RBM45: variants seen among roughly 807,000 people sequenced by gnomAD.
The protein encoded by RBM45 is RNA-binding protein 45.
A neutral mutation model predicts 58.5 loss-of-function variants in RBM45; 39 were observed. The observed-to-expected ratio is 0.67, with a 90% confidence interval of 0.52 to 0.87. The LOEUF (loss-of-function observed/expected upper bound fraction) is 0.87. Among genes scored for constraint, RBM45 ranks in the 40% least tolerant of loss-of-function variants. The pLI is 0.00. For synonymous variants in RBM45, 193 were observed against 203.0 expected, an observed-to-expected ratio of 0.95 and a Z score of 0.42; for missense variants, 481 against 581.6, an observed-to-expected ratio of 0.83 and a Z score of 1.78.
intron 4 of RBM45, among the ~76,000 whole-genome samples, chr2:178,120,743 C>T (rs575512616): frequency 3.4e-4 from 51 of 152,170 alleles, no homozygotes; most frequent in African/African-American, 1.2e-3. Context: ...AGATCCTCTC[C>T]GTATGAGTCC....
chr2:178,116,289 G>A lies in RBM45; in HGVS notation c.328G>A (p.Gly110Arg). 1 of 1,611,732 alleles carries A rather than the reference G, an allele frequency of 6.2e-7. No homozygotes were observed. Among genetic ancestry groups the A allele is most frequent in the Non-Finnish European group, 8.5e-7 (1 of 1,179,082 alleles). ...TTTCATTGCTCAGTCCCGATCATCT[G>A]GAAGTCACCGAGATGTTGAAGATGA... is the stretch of plus-strand genomic sequence containing the variant. The part of the protein sequence containing the change: ...KVFIAQSRSS[G>R]SHRDVEDEEL... The change falls in exon 2 of 10, where the codon GGA (glycine) becomes AGA (arginine). Residue 110 changes from glycine (G) to arginine (R), a missense_variant. Transcript: ENST00000286070.
intron 9 of RBM45, among the ~76,000 whole-genome samples, chr2:178,126,656 A>G (rs1297420771): frequency 6.6e-6 from 1 of 152,168 alleles, no homozygotes; most frequent in African/African-American, 2.4e-5. Flanking sequence ...ATAATATATC[A>G]TTTTTGGACC....
At chr2:178,131,616 ATTTC>A (rs1286949118), downstream of RBM45, among the ~76,000 whole-genome samples, 2 of 152,220 alleles carry the variant, frequency 1.3e-5, no homozygotes, top group Non-Finnish European at 2.9e-5. Context: ...ATCTAGATGT[ATTTC>A]TTTGAATCCT....
downstream of RBM45, among the ~76,000 whole-genome samples, chr2:178,131,050 A>G (rs1224872258): frequency 2.0e-5 from 3 of 152,168 alleles, no homozygotes; most frequent in South Asian, 6.2e-4. Flanking sequence ...GAGGCTGCAG[A>G]GTGCTGTTAT....
At chr2:178,127,127 G>A (rs972075892) in intron 9 of RBM45, among the ~76,000 whole-genome samples, 1 of 152,042 alleles carries the variant, frequency 6.6e-6, no homozygotes, top group Non-Finnish European at 1.5e-5. Context: ...TAGTAGAGGC[G>A]GGGTTTCACC....
chr2:178,118,262 T>C, intron 3 of RBM45, 81 bp downstream of exon 3: 1 of 1,310,346 alleles, frequency 7.6e-7, no homozygotes, highest in Non-Finnish European at 1.0e-6. Context: ...TATTAGTTTT[T>C]GCTAATAACT....
intron 1 of RBM45, among the ~76,000 whole-genome samples, chr2:178,114,842 C>A (rs66558684): frequency 6.6e-6 from 1 of 152,078 alleles, no homozygotes; most frequent in Non-Finnish European, 1.5e-5. Flanking sequence ...AGTGAGCCTC[C>A]CGTTTCATCC....
intron 8 of RBM45, among the ~76,000 whole-genome samples, chr2:178,124,520 A>G (rs2087900402): frequency 6.6e-6 from 1 of 152,158 alleles, no homozygotes. Context: ...TTTGTTTTTG[A>G]AACATAAAGT....
At chr2:178,130,022 T>TA (rs1479141169), downstream of RBM45, among the ~76,000 whole-genome samples, 14 of 152,176 alleles carry the variant, frequency 9.2e-5, no homozygotes, top group African/African-American at 2.7e-4. Flanking sequence ...AATGTGTTGG[T>TA]AATTTTGTGA....
intron 1 of RBM45, among the ~76,000 whole-genome samples, chr2:178,115,303 C>T (rs1332675153): frequency 6.6e-6 from 1 of 152,102 alleles, no homozygotes; most frequent in Non-Finnish European, 1.5e-5. Context: ...TTTGAAACAC[C>T]TCAGTCCTCT....
At chr2:178,128,464 C>T (rs1043009973) in intron 9 of RBM45, among the ~76,000 whole-genome samples, 1 of 152,134 alleles carries the variant, frequency 6.6e-6, no homozygotes, top group African/African-American at 2.4e-5. Flanking sequence ...TAATGACATC[C>T]AAATGATCAG....
intron 3 of RBM45, among the ~76,000 whole-genome samples, chr2:178,119,106 A>T (rs574213240): frequency 1.7e-4 from 26 of 152,322 alleles, no homozygotes; most frequent in African/African-American, 6.0e-4. Flanking sequence ...GAAAGCAAGA[A>T]GTATGCCTTA....
At chr2:178,129,814 G>A (rs2087986954), downstream of RBM45, among the ~76,000 whole-genome samples, 5 of 152,160 alleles carry the variant, frequency 3.3e-5, no homozygotes, top group South Asian at 1.0e-3. Flanking sequence ...GTATGGCATA[G>A]TGTAATCGAC....
intron 3 of RBM45, among the ~76,000 whole-genome samples, chr2:178,119,741 A>G (rs746005325): frequency 4.6e-5 from 7 of 152,182 alleles, no homozygotes; most frequent in Non-Finnish European, 7.3e-5. Context: ...TTTTGTTTGA[A>G]GTGTCAGAGG....
chr2:178,120,513 T>C (rs1477466640), intron 4 of RBM45, 104 bp downstream of exon 4: 3 of 1,029,886 alleles, frequency 2.9e-6, no homozygotes, highest in Non-Finnish European at 4.0e-6. Context: ...TTTCACCTAG[T>C]GAATAAAAAT....
At chr2:178,125,700 G>T (rs1279093290) in intron 8 of RBM45, 1 of 576,420 alleles carries the variant, frequency 1.7e-6, no homozygotes, top group East Asian at 4.1e-5. Flanking sequence ...GTTTTAGAAA[G>T]ATCACTCAGA....
At chr2:178,137,055 G>A (rs2153907989) in exon 4 of RBM45, 1 of 152,268 alleles carries the variant, frequency 6.6e-6, no homozygotes, top group South Asian at 2.1e-4. Flanking sequence ...GGGGACAGGA[G>A]TAGTGGATAG....
rs1242885743 is a variant in RBM45 at position 178,112,986 on chromosome 2, C to T, written c.300+140C>T. The T allele has an allele frequency of 2.9e-5, 26 of 898,436 alleles. No homozygotes were observed. The South Asian group carries it at 4.2e-4, about 15-fold the overall frequency. 55.7% of individuals were successfully genotyped at this position (898,436 alleles called of 1,614,324 possible). ...GACCAGACAGCACCTGGCTTGGGGA[C>T]AGGGGCTGCTTTGAGGAGAGGCTCC... On this transcript the variant is annotated intron_variant, in intron 1 of 9. Coordinates refer to ENST00000286070, the MANE Select transcript of RBM45 (RefSeq NM_152945.4).
In RBM45 at chr2:178,126,161, G is replaced by A. The variant is rs2087926835; in HGVS notation, c.1410G>A (p.Arg470=). 1.2e-6 allele frequency: 2 copies of A among 1,613,266 alleles called. No homozygotes were observed. Among genetic ancestry groups the A allele is most frequent in the African/African-American group, 1.3e-5 (1 of 74,898 alleles). The part of the protein sequence containing the change: ...ADSPREESNK[R]QRTY Reference sequence around the variant, plus strand: ...CGCCAAGAGAAGAATCTAACAAACGGCAAAGAACTTACTGATTCTTGAGGT... The same window carrying A: ...CGCCAAGAGAAGAATCTAACAAACGACAAAGAACTTACTGATTCTTGAGGT... Residue 470 remains arginine, a synonymous_variant, in exon 9 of 10, where the codon CGG becomes CGA. Coordinates refer to ENST00000286070, the MANE Select transcript of RBM45 (RefSeq NM_152945.4).
Sources: gnomAD v4.1 joint callset for allele counts (sites outside exome capture counted in the v4.1 genomes callset) on GRCh38, gnomAD v4.1.1 for gene constraint, MANE v1.5 for transcripts, NCBI Gene and HGNC (gene_info 2026-07-23, HGNC 2026-07-21) for gene names.